Variants in BIRC6 observed in about 807,000 individuals in gnomAD.
The protein encoded by BIRC6 is baculoviral IAP repeat containing 6.
A neutral mutation model predicts 503.3 loss-of-function variants in BIRC6; 98 were observed. The observed-to-expected ratio is 0.19, with a 90% confidence interval of 0.17 to 0.23. The LOEUF is 0.23. Ranked by LOEUF, BIRC6 falls within the 10% of genes least tolerant of loss-of-function variation. BIRC6 has a pLI of 1.00. For missense variants in BIRC6, 5,360 were observed against 5,806.0 expected, an observed-to-expected ratio of 0.92 and a Z score of 2.50; for synonymous variants, 2,240 against 2,078.7, an observed-to-expected ratio of 1.08 and a Z score of -2.11.
At chr2:32,537,907 C>T (rs941755798) in intron 61 of BIRC6, among the ~76,000 whole-genome samples, 2 of 151,304 alleles carry the variant, frequency 1.3e-5, no homozygotes, top group African/African-American at 4.9e-5. Flanking sequence ...GCGGAGCCTG[C>T]AGTGAGCCAA....
At chr2:32,535,979 C>T (rs2057201187) in intron 61 of BIRC6, among the ~76,000 whole-genome samples, 1 of 152,186 alleles carries the variant, frequency 6.6e-6, no homozygotes, top group Admixed American at 6.5e-5. Flanking sequence ...TGTTTCCTGA[C>T]TTTTTAATGT....
At chr2:32,459,432 A>T (rs1010275275) in intron 23 of BIRC6, among the ~76,000 whole-genome samples, 1 of 151,470 alleles carries the variant, frequency 6.6e-6, no homozygotes, top group Non-Finnish European at 1.5e-5. Flanking sequence ...TTTTTGGTCA[A>T]TGTGTGTTTT....
At chr2:32,483,251 T>C (rs749795673) in intron 39 of BIRC6, among the ~76,000 whole-genome samples, 13 of 152,134 alleles carry the variant, frequency 8.5e-5, no homozygotes, top group Non-Finnish European at 1.9e-4. Context: ...GTAGAATATA[T>C]GAGATGTGTT....
chr2:32,414,648 C>T, intron 9 of BIRC6, 121 bp from the exon 10 acceptor site: 1 of 794,766 alleles, frequency 1.3e-6, no homozygotes, highest in Non-Finnish European at 1.8e-6. Context: ...GCCTGTGTGA[C>T]AGAGCAAGAA....
intron 8 of BIRC6, among the ~76,000 whole-genome samples, 168 bp from the exon 9 acceptor site, chr2:32,406,331 C>G (rs1022697052): frequency 6.6e-6 from 1 of 152,032 alleles, no homozygotes; most frequent in African/African-American, 2.4e-5. Context: ...AGGAGGAGGT[C>G]AGGGCTGCAG....
At chr2:32,400,016 A>G (rs2040423637) in intron 6 of BIRC6, among the ~76,000 whole-genome samples, 1 of 152,060 alleles carries the variant, frequency 6.6e-6, no homozygotes, top group Admixed American at 6.5e-5. Context: ...GCTGGTCTCA[A>G]TCTTCTGGCC....
intron 36 of BIRC6, among the ~76,000 whole-genome samples, chr2:32,479,260 G>GGAT (rs2149146012): frequency 6.6e-6 from 1 of 152,264 alleles, no homozygotes; most frequent in African/African-American, 2.4e-5. Flanking sequence ...TGTGTTTACT[G>GGAT]GATACTTGTC....
chr2:32,369,427 GA>G (rs2035453140), intron 1 of BIRC6, among the ~76,000 whole-genome samples: 2 of 150,242 alleles, frequency 1.3e-5, no homozygotes, highest in Non-Finnish European at 1.5e-5. Context: ...AGTAGCAATT[GA>G]TTTTTTTTTT....
chr2:32,372,857 A>C (rs1463915171), intron 1 of BIRC6, among the ~76,000 whole-genome samples: 1 of 152,264 alleles, frequency 6.6e-6, no homozygotes, highest in Non-Finnish European at 1.5e-5. Context: ...AAGAAAAAAA[A>C]ACATTTGGGT....
chr2:32,443,647 T>C (rs1351685968), intron 20 of BIRC6, 59 bp downstream of exon 20: 1 of 1,240,176 alleles, frequency 8.1e-7, no homozygotes, highest in East Asian at 2.5e-5. Context: ...CTCATATGTA[T>C]ACTTAGGATT....
chr2:32,507,416 A>C (rs1173842061), intron 50 of BIRC6, among the ~76,000 whole-genome samples: 2 of 152,230 alleles, frequency 1.3e-5, no homozygotes, highest in African/African-American at 4.8e-5. Flanking sequence ...CCTGGGCAAC[A>C]GAGCAAGACT....
intron 10 of BIRC6, among the ~76,000 whole-genome samples, chr2:32,420,799 A>G (rs1395549008): frequency 1.3e-5 from 2 of 152,106 alleles, no homozygotes; most frequent in African/African-American, 2.4e-5. Context: ...GGTGTGAGCT[A>G]CCATGCCTGG....
At chr2:32,489,898 C>T in intron 42 of BIRC6, 143 bp from the exon 43 acceptor site, 4 of 599,766 alleles carry the variant, frequency 6.7e-6, no homozygotes, top group South Asian at 4.3e-5. Flanking sequence ...TGGAGAATTC[C>T]TTTTATTTGC....
chr2:32,542,046 C>G (rs2057701871), intron 61 of BIRC6, among the ~76,000 whole-genome samples: 1 of 151,966 alleles, frequency 6.6e-6, no homozygotes, highest in Non-Finnish European at 1.5e-5. Context: ...AACAATTCTG[C>G]TATCTTTATT....
At chr2:32,441,127 G>A (rs920560265) in intron 16 of BIRC6, among the ~76,000 whole-genome samples, 1 of 152,080 alleles carries the variant, frequency 6.6e-6, no homozygotes, top group Non-Finnish European at 1.5e-5. Flanking sequence ...AATAGTGGCT[G>A]TGTCTGTCTT....
At chr2:32,459,185 A>G (rs747110452) in intron 23 of BIRC6, among the ~76,000 whole-genome samples, 3 of 152,166 alleles carry the variant, frequency 2.0e-5, no homozygotes, top group Non-Finnish European at 4.4e-5. Flanking sequence ...TTCATCCATT[A>G]GCGTTTTCTC....
chr2:32,464,794 C>G lies in BIRC6; in HGVS notation c.5227C>G (p.His1743Asp). 1 of 1,611,510 alleles carries G rather than the reference C, an allele frequency of 6.2e-7. No homozygotes were observed. Among genetic ancestry groups the G allele is most frequent in the Non-Finnish European group, 8.5e-7 (1 of 1,178,142 alleles). The change falls in exon 25 of 74, where the codon CAT becomes GAT. Residue 1743 changes from histidine to aspartate, a missense_variant. By Grantham distance (81) the His-to-Asp change is moderately conservative (BLOSUM62 -1). Transcript: ENST00000421745. ...TCCCCCAGCAGTCAATCTTGCTGCA[C>G]ATAACAAAAATTCCAACAAGTCCAG... ...IDPPAVNLAA[H>D]NKNSNKSRMN... is the part of the protein sequence containing the mutation.
At chr2:32,482,295 A>G in intron 38 of BIRC6, 134 bp from the exon 39 acceptor site, 1 of 873,212 alleles carries the variant, frequency 1.1e-6, no homozygotes, top group Non-Finnish European at 1.7e-6. Context: ...TTAAAATTAT[A>G]AGGGGATTTG....
At chr2:32,451,228 A>G (rs1435953768) in intron 22 of BIRC6, among the ~76,000 whole-genome samples, 1 of 152,230 alleles carries the variant, frequency 6.6e-6, no homozygotes, top group Admixed American at 6.5e-5. Flanking sequence ...CAAAGTTTCT[A>G]ATACAGCATA....
Sources: allele counts gnomAD v4.1 joint callset (sites outside exome capture counted in the v4.1 genomes callset), GRCh38; gene constraint gnomAD v4.1.1; transcripts MANE v1.5; gene names NCBI Gene and HGNC (gene_info 2026-07-23, HGNC 2026-07-21).